The following STK32B variants were observed in gnomAD, a reference collection of about 807,000 sequenced individuals.
STK32B encodes the protein serine/threonine kinase 32B, also known as serine/threonine-protein kinase 32B.
In STK32B, 43 loss-of-function variants were observed where a neutral mutation model predicts 52.6. That is an observed-to-expected ratio of 0.82 (90% confidence interval 0.64 to 1.05). STK32B has a LOEUF of 1.05. STK32B is among the 50% of genes least tolerant of loss of function. The pLI, the probability that STK32B is intolerant of heterozygous loss-of-function variation, is 0.00. For missense variants in STK32B, 621 were observed against 534.6 expected, an observed-to-expected ratio of 1.16 and a Z score of -1.59; for synonymous variants, 238 against 204.3, an observed-to-expected ratio of 1.17 and a Z score of -1.41.
chr4:5,379,864 T>C (rs1279700426), intron 4 of STK32B, among the ~76,000 whole-genome samples: 1 of 152,208 alleles, frequency 6.6e-6, no homozygotes, highest in Non-Finnish European at 1.5e-5. Context: ...TGTTTTGATA[T>C]AGCAGCATTC....
chr4:5,458,323 T>C (rs962500205), intron 8 of STK32B, among the ~76,000 whole-genome samples: 1 of 152,160 alleles, frequency 6.6e-6, no homozygotes, highest in Non-Finnish European at 1.5e-5. Context: ...CCCAGTTGTT[T>C]TTAAAGGAAT....
At chr4:5,311,923 T>TTA (rs1560305977) in intron 3 of STK32B, among the ~76,000 whole-genome samples, 2 of 150,966 alleles carry the variant, frequency 1.3e-5, no homozygotes, top group African/African-American at 4.9e-5. Context: ...TATTTTTTTT[T>TTA]AAAGTTTATT....
rs1447221116 is a variant in STK32B at position 5,399,569 on chromosome 4, G to C, written c.472+1325G>C. 6.6e-6 allele frequency among the ~76,000 whole-genome samples: 1 copy of C among 152,186 alleles called. No homozygotes were observed. The highest frequency in any genetic ancestry group is 1.5e-5 in the Non-Finnish European group (1 of 68,030). On this transcript the variant is annotated intron_variant, in intron 5 of 11. Transcript: ENST00000282908. This position sits in a 1 kb window ranked among gnomAD's most constrained non-coding sequence, Gnocchi z 5.4. ...AGATGCCTGGGGCATGGACAGAGCTGAGGATCCAAATCAAGGCTGGAAAGG... is the reference window on the plus strand; with the variant it reads ...AGATGCCTGGGGCATGGACAGAGCTCAGGATCCAAATCAAGGCTGGAAAGG...
At chr4:5,374,037 C>T (rs1223374839) in intron 4 of STK32B, among the ~76,000 whole-genome samples, 1 of 152,088 alleles carries the variant, frequency 6.6e-6, no homozygotes, top group Non-Finnish European at 1.5e-5. Flanking sequence ...TGACTGATGT[C>T]TTTATAAGAG....
intron 1 of STK32B, among the ~76,000 whole-genome samples, chr4:5,062,670 C>G (rs4395445): frequency 0.97 from 146,786 of 152,052 alleles, 71,045 homozygotes; most frequent in East Asian, 1. Flanking sequence ...CACCATGCCC[C>G]GCTAATTTCT....
rs553703683 is a variant in STK32B at position 5,407,380 on chromosome 4, C to G, written c.472+9136C>G. Among the ~76,000 whole-genome samples the G allele has an allele frequency of 1.6e-4, 25 of 152,266 alleles. No homozygotes were observed. In the South Asian group the frequency reaches 5.2e-3, roughly 32 times the overall value. On this transcript the variant is annotated intron_variant, in intron 5 of 11. Transcript: ENST00000282908. ...TGAGCCCTCCGCACTCTTCCAACCTCTGCCAGTTACCCAGTTCCAAAGTCG... is the reference window on the plus strand; with the variant it reads ...TGAGCCCTCCGCACTCTTCCAACCTGTGCCAGTTACCCAGTTCCAAAGTCG...
chr4:5,122,960 C>T (rs376693115), intron 1 of STK32B, among the ~76,000 whole-genome samples: 71 of 152,280 alleles, frequency 4.7e-4, no homozygotes, highest in African/African-American at 1.6e-3. Context: ...ATTTGCTCCA[C>T]CTGCACCAGC....
intron 3 of STK32B, among the ~76,000 whole-genome samples, chr4:5,224,226 G>A (rs764421969): frequency 1.8e-4 from 27 of 152,182 alleles, no homozygotes; most frequent in Non-Finnish European, 3.7e-4. Context: ...GAATACTCTG[G>A]TTTAAATGTG....
In STK32B at chr4:5,136,367, A is replaced by G. The variant is rs116032526; in HGVS notation, c.53-3538A>G. 8.9e-3 allele frequency among the ~76,000 whole-genome samples: 1,118 copies of G among 125,158 alleles called. 10 individuals carry two copies. Among genetic ancestry groups the G allele is most frequent in the African/African-American group, 0.031 (1,061 of 34,010 alleles). 82.1% of individuals were successfully genotyped at this position (125,158 alleles called of 152,430 possible). A position where few individuals can be genotyped will look rare whatever the true frequency, so the allele number is the denominator to read the frequency against. On this transcript the variant is annotated intron_variant, in intron 1 of 11. Transcript: ENST00000282908. ...ATTTCTACCCTAGTGGTACACTTTT[A>G]GCGGTGTAACCCTTTGCAGCTCTAA... is the stretch of plus-strand genomic sequence containing the variant.
chr4:5,055,440 A>G (rs1341926287), intron 1 of STK32B, among the ~76,000 whole-genome samples: 3 of 151,960 alleles, frequency 2.0e-5, no homozygotes, highest in African/African-American at 7.3e-5. Context: ...AAGTCCTTAC[A>G]TGGTCTGTCC....
intron 1 of STK32B, among the ~76,000 whole-genome samples, chr4:5,131,584 C>T (rs951900636): frequency 1.3e-5 from 2 of 152,206 alleles, no homozygotes; most frequent in African/African-American, 4.8e-5. Flanking sequence ...TTCCCACTTT[C>T]TCTCCTTCCT....
At chr4:5,185,095 A>G (rs369429086) in intron 3 of STK32B, among the ~76,000 whole-genome samples, 15 of 152,268 alleles carry the variant, frequency 9.9e-5, no homozygotes, top group East Asian at 7.7e-4. Context: ...CGTTTTTAGC[A>G]TTAGACTGTT....
chr4:5,027,811 T>C, the STK32B span, among the ~76,000 whole-genome samples: 2 of 152,094 alleles, frequency 1.3e-5, no homozygotes, highest in Admixed American at 1.3e-4. Flanking sequence ...GCCCCTACCA[T>C]GGCTATGCTG....
At chr4:5,353,518 T>C (rs1026778796) in intron 4 of STK32B, among the ~76,000 whole-genome samples, 18 of 149,358 alleles carry the variant, frequency 1.2e-4, no homozygotes, top group Admixed American at 1.2e-3. Context: ...AGGACTAATA[T>C]CCAGAGTATA....
intron 3 of STK32B, among the ~76,000 whole-genome samples, chr4:5,319,686 C>G (rs6822134): frequency 0.033 from 4,994 of 152,244 alleles, 252 homozygotes; most frequent in African/African-American, 0.11. Context: ...TTCTATCAAC[C>G]AGGGCTCAGC....
intron 5 of STK32B, among the ~76,000 whole-genome samples, chr4:5,401,745 G>C (rs1737304392): frequency 6.6e-6 from 1 of 152,186 alleles, no homozygotes; most frequent in African/African-American, 2.4e-5. Context: ...TAGAGGGAGG[G>C]GGGAAGCAAT....
intron 3 of STK32B, among the ~76,000 whole-genome samples, chr4:5,314,403 C>T (rs1730523368): frequency 6.6e-6 from 1 of 152,234 alleles, no homozygotes; most frequent in Non-Finnish European, 1.5e-5. Context: ...GGCACTGTGG[C>T]TCACGCCTGT....
chr4:5,072,050 G>C (rs1376911779), intron 1 of STK32B, among the ~76,000 whole-genome samples: 1 of 152,152 alleles, frequency 6.6e-6, no homozygotes, highest in Non-Finnish European at 1.5e-5. Flanking sequence ...GCATTTATCT[G>C]TTTGTAATTA....
chr4:5,111,188 A>G (rs1244141252), intron 1 of STK32B, among the ~76,000 whole-genome samples: 1 of 152,174 alleles, frequency 6.6e-6, no homozygotes. Flanking sequence ...TTCAGCCCTT[A>G]TGGGAAACAG....
Sources: gnomAD v4.1 joint callset for allele counts (sites outside exome capture counted in the v4.1 genomes callset) on GRCh38, gnomAD v4.1.1 for gene constraint, Gnocchi (gnomAD v3.1) non-coding constraint, MANE v1.5 for transcripts, NCBI Gene and HGNC (gene_info 2026-07-23, HGNC 2026-07-21) for gene names.